CSMD3: variants seen among roughly 807,000 people sequenced by gnomAD.
The protein encoded by CSMD3 is CUB and sushi domain-containing protein 3.
In CSMD3, 177 loss-of-function variants were observed where a neutral mutation model predicts 435.2. That is an observed-to-expected ratio of 0.41 (90% confidence interval 0.36 to 0.46). The LOEUF is 0.46. Among genes scored for constraint, CSMD3 ranks in the 20% least tolerant of loss-of-function variants. CSMD3 has a pLI of 0.34. For synonymous variants in CSMD3, 1,656 were observed against 1,520.5 expected (o/e 1.09, Z -2.07); for missense variants, 4,265 against 4,504.6 (o/e 0.95, Z 1.52).
intron 5 of CSMD3, among the ~76,000 whole-genome samples, chr8:113,086,858 T>G (rs2131485097): frequency 6.6e-6 from 1 of 152,318 alleles, no homozygotes; most frequent in African/African-American, 2.4e-5. Context: ...GGACGTTCAT[T>G]TTCTCAATCA....
rs143182605 is a variant in CSMD3 at position 112,753,839 on chromosome 8, C to T, written c.1972+46323G>A. 5.3e-5 allele frequency among the ~76,000 whole-genome samples: 8 copies of T among 152,262 alleles called. No homozygotes were observed. The East Asian group carries it at 1.4e-3, about 26-fold the overall frequency. The stretch of plus-strand genomic sequence containing the variant: ...CAGCTTCAGAGTTCTAACTTCCTAT[C>T]CCAACTTTGTTTGTGCTAATAAGTC... On this transcript the variant is annotated intron_variant, in intron 13 of 70. Transcript: ENST00000297405.
intron 3 of CSMD3, among the ~76,000 whole-genome samples, chr8:113,242,055 T>C (rs1251688203): frequency 2.0e-5 from 3 of 151,470 alleles, no homozygotes; most frequent in African/African-American, 7.3e-5. Context: ...ATAAAATAGT[T>C]TGACTTTTTC....
intron 4 of CSMD3, among the ~76,000 whole-genome samples, chr8:113,114,036 T>A (rs2090747711): frequency 6.6e-6 from 1 of 152,064 alleles, no homozygotes; most frequent in Non-Finnish European, 1.5e-5. Context: ...AGTGGAAACC[T>A]GGGAAACCAT....
intron 3 of CSMD3, among the ~76,000 whole-genome samples, chr8:113,242,707 T>A (rs897887254): frequency 1.3e-5 from 2 of 152,070 alleles, no homozygotes; most frequent in African/African-American, 2.4e-5. Flanking sequence ...ATGCAATTTT[T>A]AAACATGAAA....
intron 3 of CSMD3, among the ~76,000 whole-genome samples, chr8:113,189,480 T>C (rs565569470): frequency 5.8e-4 from 88 of 151,944 alleles, no homozygotes; most frequent in African/African-American, 2.1e-3. Context: ...GATTGTAATA[T>C]GAATTTAAGT....
intron 32 of CSMD3, among the ~76,000 whole-genome samples, chr8:112,414,299 G>A (rs1310644499): frequency 6.6e-6 from 1 of 152,060 alleles, no homozygotes; most frequent in Non-Finnish European, 1.5e-5. Flanking sequence ...AATCATGGAG[G>A]TTGTTTTCCC....
Position 112,476,099 on chromosome 8 carries a change from G to A in CSMD3, c.5279-3392C>T, listed in dbSNP as rs982881259. On this transcript the variant is annotated intron_variant, in intron 31 of 70. Coordinates refer to ENST00000297405, the MANE Select transcript of CSMD3 (RefSeq NM_198123.2). The stretch of plus-strand genomic sequence containing the variant: ...TTGCTTTTGTTGCCCAGGCTGGAGT[G>A]CAATGATATCATCTTGGCTTGCTGC... Among the ~76,000 whole-genome samples, 8 of 152,202 alleles carry A rather than the reference G, an allele frequency of 5.3e-5. No homozygotes were observed. In the South Asian group the frequency reaches 1.5e-3, roughly 28 times the overall value.
intron 37 of CSMD3, among the ~76,000 whole-genome samples, chr8:112,381,362 A>T (rs1829447275): frequency 6.6e-6 from 1 of 152,200 alleles, no homozygotes; most frequent in African/African-American, 2.4e-5. Flanking sequence ...TTGAAAATAT[A>T]AAGTATCTGC....
intron 1 of CSMD3, among the ~76,000 whole-genome samples, chr8:113,432,919 GTCC>G (rs2094683831): frequency 6.6e-6 from 1 of 152,132 alleles, no homozygotes; most frequent in Non-Finnish European, 1.5e-5. Context: ...CAATTCATGT[GTCC>G]TCCTCCCAGC....
chr8:112,995,488 C>A (rs2085616708), intron 6 of CSMD3, among the ~76,000 whole-genome samples: 1 of 151,312 alleles, frequency 6.6e-6, no homozygotes, highest in South Asian at 2.1e-4. Flanking sequence ...ACGTTTCGCA[C>A]CAGTTAGCTC....
At chr8:112,636,014 T>G (rs1204342231) in intron 22 of CSMD3, among the ~76,000 whole-genome samples, 1 of 152,176 alleles carries the variant, frequency 6.6e-6, no homozygotes, top group Non-Finnish European at 1.5e-5. Flanking sequence ...AATTATAAAA[T>G]GGCCATTTGA....
At chr8:112,626,664 C>T (rs1834501426) in intron 22 of CSMD3, among the ~76,000 whole-genome samples, 1 of 151,920 alleles carries the variant, frequency 6.6e-6, no homozygotes, top group Admixed American at 6.6e-5. Flanking sequence ...CAATTAAATC[C>T]TACCCTCTCC....
chr8:112,890,825 T>C (rs767436607), intron 10 of CSMD3, among the ~76,000 whole-genome samples: 5 of 151,666 alleles, frequency 3.3e-5, no homozygotes, highest in South Asian at 2.1e-4. Context: ...AAATGTGGAA[T>C]GAAGGAGGTG....
At chr8:112,469,297 G>C (rs12679552) in intron 32 of CSMD3, among the ~76,000 whole-genome samples, 8,811 of 152,050 alleles carry the variant, frequency 0.058, 298 homozygotes, top group South Asian at 0.12. Context: ...GACTATTTCA[G>C]AGACAATATG....
chr8:112,914,551 C>T (rs950088286), intron 10 of CSMD3, among the ~76,000 whole-genome samples: 1 of 151,224 alleles, frequency 6.6e-6, no homozygotes, highest in Non-Finnish European at 1.5e-5. Flanking sequence ...GAAAGGTCTG[C>T]CAAAATGTCA....
chr8:112,301,945 G>T lies in CSMD3; in HGVS notation c.8288C>A (p.Pro2763His), dbSNP rs145439565. The change falls in exon 53 of 71, where the codon CCT (proline) becomes CAT (histidine). Residue 2763 changes from proline to histidine, a missense_variant. This residue lies in a region of CSMD3 where 3,255 missense variants were observed against 3,380.2 expected (regional missense o/e 0.96). Transcript: ENST00000297405. Reference sequence around the variant, plus strand: ...AATCTTATTTCCATTTGGAGGTGTAGGTAGTTCTCCACAGGAAATAACTTT... The same window carrying T: ...AATCTTATTTCCATTTGGAGGTGTATGTAGTTCTCCACAGGAAATAACTTT... ...YCQIISCGEL[P>H]TPPNGNKIGT... 1.4e-5 allele frequency: 23 copies of T among 1,609,182 alleles called. No individual in the cohort carries two copies. Among genetic ancestry groups the T allele is most frequent in the Non-Finnish European group, 1.9e-5 (22 of 1,175,850 alleles).
chr8:112,827,569 A>G (rs1268589429), intron 12 of CSMD3, among the ~76,000 whole-genome samples: 1 of 152,122 alleles, frequency 6.6e-6, no homozygotes, highest in African/African-American at 2.4e-5. Context: ...GGATCTAACA[A>G]ACATGTAGAG....
At chr8:112,322,783 T>A (rs1823121964) in intron 45 of CSMD3, among the ~76,000 whole-genome samples, 1 of 152,106 alleles carries the variant, frequency 6.6e-6, no homozygotes, top group African/African-American at 2.4e-5. Context: ...CAAAGTGTGT[T>A]ATTTTCCATT....
chr8:112,426,910 T>C (rs1280245247), intron 32 of CSMD3, among the ~76,000 whole-genome samples: 2 of 152,194 alleles, frequency 1.3e-5, no homozygotes, highest in Non-Finnish European at 2.9e-5. Flanking sequence ...TCGTGATACC[T>C]TGCAATCATT....
Sources: allele counts gnomAD v4.1 joint callset (sites outside exome capture counted in the v4.1 genomes callset), GRCh38; gene constraint gnomAD v4.1.1; regional missense constraint gnomAD v4.1.1; transcripts MANE v1.5; gene names NCBI Gene and HGNC (gene_info 2026-07-23, HGNC 2026-07-21).